Variants in PIK3C2G observed in about 807,000 individuals in gnomAD.
PIK3C2G encodes the protein phosphatidylinositol-4-phosphate 3-kinase catalytic subunit type 2 gamma, also known as phosphatidylinositol 3-kinase C2 domain-containing subunit gamma.
A neutral mutation model predicts 181.1 loss-of-function variants in PIK3C2G; 168 were observed. The ratio of observed to expected loss-of-function variants is 0.93; its 90% CI spans 0.82 to 1.05. PIK3C2G has a LOEUF of 1.05. Among genes scored for constraint, PIK3C2G ranks in the 50% least tolerant of loss-of-function variants. The pLI, the probability that PIK3C2G is intolerant of heterozygous loss-of-function variation, is 0.00. For synonymous variants in PIK3C2G, 573 were observed against 592.2 expected (o/e 0.97, Z 0.47); for missense variants, 1,869 against 1,732.8 (o/e 1.08, Z -1.40).
At chr12:18,271,909 C>G (rs1948761674) in intron 1 of PIK3C2G, among the ~76,000 whole-genome samples, 1 of 152,108 alleles carries the variant, frequency 6.6e-6, no homozygotes, top group Non-Finnish European at 1.5e-5. Context: ...TTAGCAACTA[C>G]ACAAAATAAA....
At chr12:18,501,234 G>A (rs1277357133) in intron 22 of PIK3C2G, among the ~76,000 whole-genome samples, 1 of 152,196 alleles carries the variant, frequency 6.6e-6, no homozygotes, top group Admixed American at 6.5e-5. Context: ...GTTCCACATG[G>A]CTGGGGAGGC....
Position 18,336,629 on chromosome 12 carries a change from A to C in PIK3C2G, c.1273-1797A>C, listed in dbSNP as rs796177544. ...CATTGAGTTCACACATAAGTGAAAT[A>C]AATGATTTTTTTCCATTTGGATGAC... On this transcript the variant is annotated intron_variant, in intron 8 of 32. Transcript: ENST00000538779. Among the ~76,000 whole-genome samples, 4 of 152,308 alleles carry C rather than the reference A, an allele frequency of 2.6e-5. No homozygotes were observed. The East Asian group carries it at 5.8e-4, about 22-fold the overall frequency.
the PIK3C2G span, among the ~76,000 whole-genome samples, chr12:18,680,049 C>T: frequency 6.6e-6 from 1 of 151,934 alleles, no homozygotes; most frequent in Non-Finnish European, 1.5e-5. Flanking sequence ...CATAAGAACC[C>T]TTTGTTGGTA....
At chr12:18,540,243 C>T (rs1399921531) in intron 25 of PIK3C2G, among the ~76,000 whole-genome samples, 3 of 151,594 alleles carry the variant, frequency 2.0e-5, no homozygotes, top group African/African-American at 7.3e-5. Context: ...CATAAAAGAC[C>T]GAGGTATCCA....
intron 28 of PIK3C2G, 131 bp downstream of exon 28, chr12:18,563,629 CAG>C: frequency 1.4e-6 from 1 of 726,920 alleles, no homozygotes; most frequent in Non-Finnish European, 2.2e-6. Context: ...GAATCTATCC[CAG>C]CAGAGAGTCT....
chr12:18,625,088 T>C (rs1373585668), intron 31 of PIK3C2G, among the ~76,000 whole-genome samples: 1 of 151,770 alleles, frequency 6.6e-6, no homozygotes, highest in Admixed American at 6.6e-5. Context: ...GTTTGCTTTT[T>C]CTATTTCCTT....
chr12:18,314,819 CA>C (rs996939306), intron 6 of PIK3C2G, among the ~76,000 whole-genome samples: 2 of 151,858 alleles, frequency 1.3e-5, no homozygotes, highest in Admixed American at 1.3e-4. Flanking sequence ...TCACTGAAGG[CA>C]AAAAAATAAC....
At chr12:18,312,483 A>G (rs913072584) in intron 5 of PIK3C2G, among the ~76,000 whole-genome samples, 3 of 152,152 alleles carry the variant, frequency 2.0e-5, no homozygotes, top group African/African-American at 7.2e-5. Flanking sequence ...TAGCATGGAA[A>G]AAAGAGTTGA....
At chr12:18,535,876 C>A (rs1355314589) in intron 24 of PIK3C2G, among the ~76,000 whole-genome samples, 2 of 152,030 alleles carry the variant, frequency 1.3e-5, no homozygotes, top group African/African-American at 4.8e-5. Context: ...CCAAACACCG[C>A]ATGTTCTCAC....
intron 24 of PIK3C2G, among the ~76,000 whole-genome samples, chr12:18,532,045 T>G (rs1179924369): frequency 6.6e-6 from 1 of 152,186 alleles, no homozygotes; most frequent in Non-Finnish European, 1.5e-5. Flanking sequence ...TGTTTGGTAT[T>G]GTTTTATTAT....
the PIK3C2G span, among the ~76,000 whole-genome samples, chr12:18,707,679 C>G: frequency 6.6e-6 from 1 of 152,058 alleles, no homozygotes; most frequent in Non-Finnish European, 1.5e-5. Context: ...TATGACTTCC[C>G]TAGTCATAAT....
intron 1 of PIK3C2G, among the ~76,000 whole-genome samples, chr12:18,279,255 C>T (rs1034499859): frequency 7.2e-5 from 11 of 151,840 alleles, no homozygotes; most frequent in African/African-American, 2.7e-4. Flanking sequence ...TCTTTATTTG[C>T]TCAGTGGTAG....
intron 9 of PIK3C2G, among the ~76,000 whole-genome samples, chr12:18,342,411 AC>A (rs1243487014): frequency 6.6e-6 from 1 of 152,050 alleles, no homozygotes; most frequent in African/African-American, 2.4e-5. Flanking sequence ...TTACGGAAAA[AC>A]AATTATTCTC....
chr12:18,270,066 C>T (rs142290219), intron 1 of PIK3C2G, among the ~76,000 whole-genome samples: 3,018 of 151,916 alleles, frequency 0.02, 98 homozygotes, highest in African/African-American at 0.069. Context: ...TGAGCCACCA[C>T]GCCCGGCTAA....
rs17847795 is a variant in PIK3C2G at position 18,391,621 on chromosome 12, A to G, written c.2126+369A>G. Among the ~76,000 whole-genome samples the G allele has an allele frequency of 4.0e-4, 61 of 152,304 alleles. No homozygotes were observed. The East Asian group carries it at 9.6e-3, about 24-fold the overall frequency. On this transcript the variant is annotated intron_variant, in intron 15 of 32. Transcript: ENST00000538779. ...CAACAGGGAAAAGCAACATTTAATT[A>G]AGGCAGATTTTTAAAAAGAGCAGAA...
intron 32 of PIK3C2G, among the ~76,000 whole-genome samples, chr12:18,645,469 G>A (rs910701052): frequency 1.3e-5 from 2 of 152,102 alleles, no homozygotes; most frequent in Admixed American, 1.3e-4. Flanking sequence ...AAGTTCAAAT[G>A]TTTGTATTTT....
In PIK3C2G at chr12:18,567,059, T is replaced by C. The variant is rs768878035; in HGVS notation, c.4011+2T>C. On this transcript the variant is annotated splice_donor_variant, in intron 29 of 32. Coordinates refer to ENST00000538779, the MANE Select transcript of PIK3C2G (RefSeq NM_001288772.2). LOFTEE classifies it high-confidence loss of function. ...AATGTATCACATGAAGTTACAAACG[T>C]ATGTTATAATTAATTTTTCTATTTT... 8.3e-7 allele frequency: 1 copy of C among 1,201,454 alleles called. No homozygotes were observed. Among genetic ancestry groups the C allele is most frequent in the Non-Finnish European group, 1.2e-6 (1 of 824,412 alleles). The allele number at this position is 1,201,454 out of a possible 1,614,324, so 74.4% of individuals were successfully genotyped here. A position where few individuals can be genotyped will look rare whatever the true frequency, so the allele number is the denominator to read the frequency against.
chr12:18,559,779 TATATATATATA>T (rs1945205224), intron 26 of PIK3C2G, among the ~76,000 whole-genome samples: 17 of 35,842 alleles, frequency 4.7e-4, no homozygotes, highest in Non-Finnish European at 7.0e-4. Flanking sequence ...TATGAAATTA[TATATATATATA>T]TATATATATA....
intron 2 of PIK3C2G, among the ~76,000 whole-genome samples, chr12:18,284,409 G>GA (rs1378524913): frequency 2.7e-5 from 4 of 150,208 alleles, no homozygotes; most frequent in Non-Finnish European, 3.0e-5. Flanking sequence ...GCCTGCCAAT[G>GA]AAAAAAAAAC....
Sources: gnomAD v4.1 joint callset for allele counts (sites outside exome capture counted in the v4.1 genomes callset) on GRCh38, gnomAD v4.1.1 for gene constraint, MANE v1.5 for transcripts, NCBI Gene and HGNC (gene_info 2026-07-23, HGNC 2026-07-21) for gene names.